The following AGBL1 variants were observed in gnomAD, a reference collection of about 807,000 sequenced individuals.
AGBL1 encodes the protein AGBL carboxypeptidase 1.
In AGBL1, 130 loss-of-function variants were observed where a neutral mutation model predicts 118.9. The ratio of observed to expected loss-of-function variants is 1.09; its 90% confidence interval spans 0.95 to 1.26. AGBL1 has a LOEUF of 1.26. Ranked by LOEUF, AGBL1 falls within the 50% of genes most tolerant of loss-of-function variation. The pLI is 0.00. For synonymous variants in AGBL1, 555 were observed against 478.9 expected, an observed-to-expected ratio of 1.16 and a Z score of -2.08; for missense variants, 1,584 against 1,298.1, an observed-to-expected ratio of 1.22 and a Z score of -3.38.
rs537874051 is a variant in AGBL1 at position 86,861,927 on chromosome 15, C to T, written c.3159-45160C>T. On this transcript the variant is annotated intron_variant, in intron 22 of 22. Transcript: ENST00000614907. ...ATAGCTCATAGACATCAGGTCAAAT[C>T]TGCAAAGATGAGCATTGTCCTAGGT... 2.0e-5 allele frequency among the ~76,000 whole-genome samples: 3 copies of T among 152,318 alleles called. No homozygotes were observed. The South Asian group carries it at 6.2e-4, about 32-fold the overall frequency.
At chr15:86,291,837 G>A (rs1314167340) in intron 16 of AGBL1, among the ~76,000 whole-genome samples, 6 of 152,164 alleles carry the variant, frequency 3.9e-5, no homozygotes, top group Non-Finnish European at 7.4e-5. Context: ...CAATGCAGGT[G>A]CATCTCATCA....
At chr15:86,991,968 G>A (rs2081340169) in intron 24 of AGBL1, among the ~76,000 whole-genome samples, 1 of 152,120 alleles carries the variant, frequency 6.6e-6, no homozygotes, top group Non-Finnish European at 1.5e-5. Context: ...CTGTTTTTGT[G>A]CTGCTGTAAA....
intron 5 of AGBL1, among the ~76,000 whole-genome samples, chr15:86,187,290 G>C (rs1235986429): frequency 6.6e-6 from 1 of 152,120 alleles, no homozygotes; most frequent in Non-Finnish European, 1.5e-5. Context: ...TTTTTCAAAT[G>C]AATTCTAATG....
intron 1 of AGBL1, among the ~76,000 whole-genome samples, chr15:86,109,493 A>G (rs1195487893): frequency 6.6e-6 from 1 of 152,204 alleles, no homozygotes; most frequent in Admixed American, 6.5e-5. Flanking sequence ...ATGACATTTT[A>G]TATAATACCA....
chr15:86,335,360 G>C (rs183981597), intron 17 of AGBL1, among the ~76,000 whole-genome samples: 2 of 152,208 alleles, frequency 1.3e-5, no homozygotes, highest in African/African-American at 4.8e-5. Context: ...GGATGGTCTC[G>C]ATCTCTTGAC....
At chr15:86,850,167 T>C (rs2079386096) in intron 22 of AGBL1, among the ~76,000 whole-genome samples, 2 of 152,158 alleles carry the variant, frequency 1.3e-5, no homozygotes, top group Non-Finnish European at 2.9e-5. Context: ...TTAGTGGAGC[T>C]GAAATGTACT....
In AGBL1 at chr15:86,626,942, A is replaced by G. The variant is rs373097251; in HGVS notation, c.2995-47331A>G. Among the ~76,000 whole-genome samples the G allele has an allele frequency of 9.2e-5, 14 of 151,376 alleles. 1 individual carries two copies. The East Asian group carries it at 2.5e-3, about 27-fold the overall frequency. ...AACCTCTGCCTCCCAGGTTCAAGCAATTCTCCTGCCTCAGCCTCCAGTGTA... is the reference window on the plus strand; with the variant it reads ...AACCTCTGCCTCCCAGGTTCAAGCAGTTCTCCTGCCTCAGCCTCCAGTGTA... On this transcript the variant is annotated intron_variant, in intron 21 of 22. Transcript: ENST00000614907.
At chr15:86,758,528 A>G (rs1345175777) in intron 22 of AGBL1, among the ~76,000 whole-genome samples, 1 of 152,100 alleles carries the variant, frequency 6.6e-6, no homozygotes, top group Non-Finnish European at 1.5e-5. Context: ...TGCTTTTGCA[A>G]ACCATTGTGG....
At chr15:86,879,712 A>G (rs1396641209) in intron 22 of AGBL1, among the ~76,000 whole-genome samples, 4 of 152,220 alleles carry the variant, frequency 2.6e-5, no homozygotes, top group Non-Finnish European at 5.9e-5. Flanking sequence ...AGGCAGAGAA[A>G]GTGTTGCTCA....
At chr15:86,739,588 G>C (rs377289126) in intron 22 of AGBL1, among the ~76,000 whole-genome samples, 33 of 148,636 alleles carry the variant, frequency 2.2e-4, no homozygotes, top group African/African-American at 8.0e-4. Context: ...ATCTTCAAAA[G>C]ACCTGGGTTC....
chr15:86,476,312 C>T (rs1228329999), intron 18 of AGBL1, among the ~76,000 whole-genome samples: 1 of 152,234 alleles, frequency 6.6e-6, no homozygotes, highest in South Asian at 2.1e-4. Context: ...CAAAACCCAT[C>T]AGTGTGCTGT....
At chr15:86,102,679 G>A (rs1896807127) in intron 1 of AGBL1, among the ~76,000 whole-genome samples, 1 of 152,314 alleles carries the variant, frequency 6.6e-6, no homozygotes, top group Non-Finnish European at 1.5e-5. Flanking sequence ...TCCCTCATAA[G>A]TGACTAGACA....
intron 5 of AGBL1, among the ~76,000 whole-genome samples, chr15:86,178,188 C>T (rs920219010): frequency 6.6e-6 from 1 of 152,056 alleles, no homozygotes; most frequent in African/African-American, 2.4e-5. Context: ...TGGCACCTGC[C>T]CGTAATCCCA....
chr15:86,487,480 G>A (rs2082728358), intron 18 of AGBL1, among the ~76,000 whole-genome samples: 1 of 151,966 alleles, frequency 6.6e-6, no homozygotes, highest in Non-Finnish European at 1.5e-5. Flanking sequence ...CTGGATCAAT[G>A]CATAATATGG....
chr15:86,557,996 G>C (rs1362024607), intron 21 of AGBL1, among the ~76,000 whole-genome samples: 1 of 152,056 alleles, frequency 6.6e-6, no homozygotes, highest in Admixed American at 6.6e-5. Flanking sequence ...GTGGGTGAAA[G>C]AAGGAAAGAC....
chr15:86,792,944 A>G (rs1260380014), intron 22 of AGBL1, among the ~76,000 whole-genome samples: 1 of 152,148 alleles, frequency 6.6e-6, no homozygotes, highest in South Asian at 2.1e-4. Context: ...TTCTATACAT[A>G]TTTTAGAACT....
At chr15:86,558,972 AGTGTTATGTTCTCTCTAAAGGCAACT>A (rs2083775714) in intron 21 of AGBL1, among the ~76,000 whole-genome samples, 1 of 152,178 alleles carries the variant, frequency 6.6e-6, no homozygotes, top group Admixed American at 6.5e-5. Context: ...AGGTGTTGGC[AGTGTTATGTTCTCTCTAAAGGCAACT>A]GTTTCGTGCC....
chr15:86,194,660 A>G (rs2077772650), intron 5 of AGBL1, among the ~76,000 whole-genome samples: 1 of 152,210 alleles, frequency 6.6e-6, no homozygotes, highest in East Asian at 1.9e-4. Context: ...CAGGCAAGAT[A>G]TATCATGAGA....
chr15:86,691,940 TTTA>T (rs2086179263), intron 22 of AGBL1, among the ~76,000 whole-genome samples: 1 of 152,000 alleles, frequency 6.6e-6, no homozygotes. Flanking sequence ...TAAAAATAAT[TTTA>T]TTATTAAGAA....
Sources: allele counts gnomAD v4.1 joint callset (sites outside exome capture counted in the v4.1 genomes callset), GRCh38; gene constraint gnomAD v4.1.1; transcripts MANE v1.5; gene names NCBI Gene and HGNC (gene_info 2026-07-23, HGNC 2026-07-21).